RABGEF1: variants seen among roughly 807,000 people sequenced by gnomAD.
RABGEF1 encodes the protein RAB guanine nucleotide exchange factor 1.
RABGEF1 carries 26 observed loss-of-function variants against 57.3 expected under a neutral mutation model. The ratio of observed to expected loss-of-function variants is 0.45; its 90% confidence interval spans 0.33 to 0.63. The LOEUF is 0.63. Among genes scored for constraint, RABGEF1 ranks in the 20% least tolerant of loss-of-function variants. The pLI, the probability that RABGEF1 is intolerant of heterozygous loss-of-function variation, is 0.02. For missense variants in RABGEF1, 464 were observed against 607.6 expected, an observed-to-expected ratio of 0.76 and a Z score of 2.48; for synonymous variants, 185 against 210.7, an observed-to-expected ratio of 0.88 and a Z score of 1.06.
chr7:66,759,370 A>T (rs932655652), intron 1 of RABGEF1, among the ~76,000 whole-genome samples: 2 of 152,192 alleles, frequency 1.3e-5, no homozygotes, highest in African/African-American at 4.8e-5. Flanking sequence ...GTTGCCCAGG[A>T]TGTGCTTACT....
rs1471513318 is a variant in RABGEF1, at chr7:66,801,722, G to A, written c.820+2308G>A. Among the ~76,000 whole-genome samples, 4 of 152,116 alleles carry A rather than the reference G, an allele frequency of 2.6e-5. No individual in the cohort carries two copies. In the East Asian group the frequency reaches 7.7e-4, roughly 29 times the overall value. ...GTTGCAAATGACTGGATCCCATTCT[G>A]AATAGTACTCCACTGTGTATGTGTG... On this transcript the variant is annotated intron_variant, in intron 7 of 8. Transcript: ENST00000284957.
the RABGEF1 span, among the ~76,000 whole-genome samples, chr7:66,659,453 A>T: frequency 1.4e-5 from 2 of 147,292 alleles, no homozygotes; most frequent in Non-Finnish European, 3.0e-5. Flanking sequence ...CTCCATCTCA[A>T]AAAAAAAAAA....
At chr7:66,797,738 A>G (rs1410814789) in intron 6 of RABGEF1, among the ~76,000 whole-genome samples, 3 of 152,156 alleles carry the variant, frequency 2.0e-5, no homozygotes, top group African/African-American at 7.2e-5. Context: ...GGTGTTTGAG[A>G]TTGTTTTCAA....
chr7:66,667,717 A>C, the RABGEF1 span: 1 of 152,308 alleles, frequency 6.6e-6, no homozygotes, highest in African/African-American at 2.4e-5. Flanking sequence ...AGCCCTGTGC[A>C]GGTCCCTGGA....
At chr7:66,767,625 A>AT (rs1362671251) in intron 1 of RABGEF1, among the ~76,000 whole-genome samples, 3 of 152,170 alleles carry the variant, frequency 2.0e-5, no homozygotes, top group African/African-American at 7.2e-5. Context: ...TTGGGAGGTG[A>AT]TTAGTTCATG....
Position 66,806,640 on chromosome 7 carries a change from CTTTTTTTTTTTTT to C in RABGEF1, c.1077+1253_1077+1265del, listed in dbSNP as rs71997947. 6.9e-3 allele frequency among the ~76,000 whole-genome samples: 786 copies of C among 114,620 alleles called. 2 individuals are homozygous for C. Among genetic ancestry groups the C allele is most frequent in the Non-Finnish European group, 0.011 (659 of 57,590 alleles). 75.2% of individuals were successfully genotyped at this position (114,620 alleles called of 152,430 possible). A position where few individuals can be genotyped will look rare whatever the true frequency, so the allele number is the denominator to read the frequency against. ...ATGAGATTAGAAGTACTCATATATC[CTTTTTTTTTTTTT>C]TTTTTTTTGAGATGGAGTCTCCCTC... On this transcript the variant is annotated intron_variant, in intron 8 of 8. Coordinates refer to ENST00000284957, the MANE Select transcript of RABGEF1 (RefSeq NM_014504.3).
chr7:66,743,439 C>G (rs548773870), intron 1 of RABGEF1, among the ~76,000 whole-genome samples: 1 of 152,148 alleles, frequency 6.6e-6, no homozygotes, highest in South Asian at 2.1e-4. Flanking sequence ...ATCCTCTTGT[C>G]TCAGCCTCCC....
At chr7:66,737,061 A>T (rs1435316894), upstream of RABGEF1, among the ~76,000 whole-genome samples, 1 of 133,494 alleles carries the variant, frequency 7.5e-6, no homozygotes, top group Non-Finnish European at 1.6e-5. Context: ...GGAGAGAGAG[A>T]GAGAGAGAGA....
At chr7:66,683,358 C>T (rs1001545278) in intron 1 of RABGEF1, among the ~76,000 whole-genome samples, 10 of 152,166 alleles carry the variant, frequency 6.6e-5, no homozygotes, top group Non-Finnish European at 1.3e-4. Flanking sequence ...ATATTGTTAA[C>T]ATTTAATGAT....
chr7:66,741,626 G>A (rs1798972200), intron 1 of RABGEF1, among the ~76,000 whole-genome samples: 1 of 152,182 alleles, frequency 6.6e-6, no homozygotes, highest in South Asian at 2.1e-4. Context: ...CGAGTTTACC[G>A]GAGCACCTTG....
intron 1 of RABGEF1, among the ~76,000 whole-genome samples, chr7:66,685,166 T>TC (rs1790412250): frequency 6.8e-6 from 1 of 147,590 alleles, no homozygotes; most frequent in South Asian, 2.2e-4. Context: ...TTTTTTTTTT[T>TC]TTTTTTTGAG....
the RABGEF1 span, among the ~76,000 whole-genome samples, chr7:66,655,076 C>T: frequency 1.3e-5 from 2 of 152,220 alleles, no homozygotes; most frequent in Admixed American, 6.5e-5. Context: ...GACGCTCGGA[C>T]CCAGACCACA....
chr7:66,788,066 G>A (rs1019527593), intron 4 of RABGEF1, among the ~76,000 whole-genome samples: 1 of 152,176 alleles, frequency 6.6e-6, no homozygotes, highest in African/African-American at 2.4e-5. Context: ...TTCTGAAAGT[G>A]TAGCTTGTCC....
chr7:66,766,047 A>T (rs1328505062), intron 1 of RABGEF1, among the ~76,000 whole-genome samples: 1 of 152,226 alleles, frequency 6.6e-6, no homozygotes, highest in Admixed American at 6.5e-5. Context: ...CATCAGGATG[A>T]TAATGGCAAG....
chr7:66,711,253 T>C (rs1183652677), intron 1 of RABGEF1, among the ~76,000 whole-genome samples: 1 of 152,218 alleles, frequency 6.6e-6, no homozygotes, highest in Non-Finnish European at 1.5e-5. Context: ...ATCCAATTAA[T>C]CTTTTATTTT....
chr7:66,732,715 CTCTCTCTCGCTCTCTCTCTCTTGCTG>C (rs1017565885), intron 2 of RABGEF1, among the ~76,000 whole-genome samples: 13 of 151,954 alleles, frequency 8.6e-5, no homozygotes, highest in East Asian at 3.9e-4. Flanking sequence ...CTCTCGCTCA[CTCTCTCTCGCTCTCTCTCTCTTGCTG>C]TCTCTCTCGC....
chr7:66,733,629 T>C (rs1382276865), intron 2 of RABGEF1, among the ~76,000 whole-genome samples: 1 of 151,644 alleles, frequency 6.6e-6, no homozygotes, highest in Non-Finnish European at 1.5e-5. Flanking sequence ...ACCCGGGAGG[T>C]GGAAGTTGCA....
the RABGEF1 span, chr7:66,667,272 A>C: frequency 6.6e-6 from 1 of 152,494 alleles, no homozygotes; most frequent in African/African-American, 2.4e-5. Flanking sequence ...CCTCTCCTGA[A>C]GCAGTCCCTG....
chr7:66,768,114 T>C (rs1583910422), intron 1 of RABGEF1, among the ~76,000 whole-genome samples: 1 of 152,234 alleles, frequency 6.6e-6, no homozygotes, highest in Non-Finnish European at 1.5e-5. Flanking sequence ...TTTATTTCTC[T>C]AGAGGAAATA....
Sources: gnomAD v4.1 joint callset for allele counts (sites outside exome capture counted in the v4.1 genomes callset) on GRCh38, gnomAD v4.1.1 for gene constraint, MANE v1.5 for transcripts, NCBI Gene and HGNC (gene_info 2026-07-23, HGNC 2026-07-21) for gene names.